Variants in HPS5 observed in about 807,000 individuals in gnomAD.
The protein encoded by HPS5 is BLOC-2 complex member HPS5.
HPS5 carries 83 observed loss-of-function variants against 128.0 expected under a neutral mutation model. That is an observed-to-expected ratio of 0.65 (90% CI 0.54 to 0.78). The LOEUF is 0.78. HPS5 is among the 30% of genes least tolerant of loss of function. The pLI is 0.00. For missense variants in HPS5, 1,281 were observed against 1,326.2 expected (o/e 0.97, Z 0.53); for synonymous variants, 475 against 470.2 (o/e 1.01, Z -0.13).
intron 2 of HPS5, among the ~76,000 whole-genome samples, chr11:18,316,042 T>C (rs984731953): frequency 6.6e-6 from 1 of 152,180 alleles, no homozygotes; most frequent in Admixed American, 6.5e-5. Context: ...AGGCACATGA[T>C]TGCTTGAGGC....
chr11:18,295,271 C>T, intron 13 of HPS5, 102 bp from the exon 14 acceptor site: 2 of 1,085,908 alleles, frequency 1.8e-6, no homozygotes, highest in Non-Finnish European at 2.7e-6. Context: ...CCTAGGGAGG[C>T]AACTTGGACT....
At chr11:18,317,960 T>G (rs548550632) in intron 1 of HPS5, 53 bp from the exon 2 acceptor site, 1 of 1,314,456 alleles carries the variant, frequency 7.6e-7, no homozygotes, top group East Asian at 2.5e-5. Flanking sequence ...TCATTTAACA[T>G]GCATTTAACA....
intron 16 of HPS5, among the ~76,000 whole-genome samples, chr11:18,289,862 T>G (rs1189767465): frequency 6.6e-6 from 1 of 152,208 alleles, no homozygotes; most frequent in Non-Finnish European, 1.5e-5. Flanking sequence ...TAGGGTATGA[T>G]AGCTGGTTTC....
chr11:18,321,158 T>C (rs1206963543), intron 1 of HPS5, among the ~76,000 whole-genome samples: 1 of 152,098 alleles, frequency 6.6e-6, no homozygotes, highest in Non-Finnish European at 1.5e-5. Flanking sequence ...ATTTAAAAAA[T>C]ATATACATAA....
chr11:18,312,732 C>T (rs1863155509), intron 2 of HPS5, among the ~76,000 whole-genome samples: 1 of 152,198 alleles, frequency 6.6e-6, no homozygotes, highest in Non-Finnish European at 1.5e-5. Context: ...TTGCCCTTTG[C>T]CCCCACTTTC....
intron 8 of HPS5, among the ~76,000 whole-genome samples, chr11:18,301,454 C>CAAAAAAAAAAAAAAAAA (rs899074500): frequency 2.7e-4 from 14 of 52,074 alleles, no homozygotes; most frequent in East Asian, 6.0e-4. Flanking sequence ...GACTCTGTCT[C>CAAAAAAAAAAAAAAAAA]AAAAAAAAAA....
Position 18,291,465 on chromosome 11 carries a change from T to C in HPS5, c.2417A>G (p.Asp806Gly). The C allele has an allele frequency of 6.2e-7, 1 of 1,608,682 alleles. No homozygotes were observed. The highest frequency in any genetic ancestry group is 8.5e-7 in the Non-Finnish European group (1 of 1,175,092). Residue 806 changes from aspartate to glycine, a missense_variant, in exon 16 of 23, where the codon GAT (aspartate) becomes GGT (glycine). Asp to Gly is a moderately conservative substitution (Grantham distance 94). Coordinates refer to ENST00000349215, the MANE Select transcript of HPS5 (RefSeq NM_181507.2). Reference protein sequence around the residue: ...LSYSNSPSVWDTFIEGLKEMA... With the variant: ...LSYSNSPSVWGTFIEGLKEMA... The stretch of plus-strand genomic sequence containing the variant: ...ACCTTTCAATCCTTCAATAAAAGTA[T>C]CCCAAACAGAAGGGCTATTACTGTA...
At chr11:18,298,640 A>G (rs1434127218) in intron 10 of HPS5, 152 bp downstream of exon 10, 1 of 751,814 alleles carries the variant, frequency 1.3e-6, no homozygotes, top group Non-Finnish European at 2.4e-6. Context: ...ACCCCTAGAT[A>G]TATCTATCAT....
intron 7 of HPS5, among the ~76,000 whole-genome samples, chr11:18,305,771 C>T (rs1475172244): frequency 6.9e-6 from 1 of 145,506 alleles, no homozygotes; most frequent in African/African-American, 2.6e-5. Flanking sequence ...CTCGCTCTGT[C>T]ACCCACGCTG....
intron 8 of HPS5, among the ~76,000 whole-genome samples, chr11:18,302,791 G>A (rs181877080): frequency 1.5e-3 from 186 of 122,926 alleles, no homozygotes; most frequent in African/African-American, 5.5e-3. Context: ...AATTGAGAAG[G>A]CTGCCTTCAA....
At chr11:18,302,685 C>T (rs1322179323) in intron 8 of HPS5, among the ~76,000 whole-genome samples, 1 of 151,762 alleles carries the variant, frequency 6.6e-6, no homozygotes, top group Admixed American at 6.6e-5. Flanking sequence ...AAGTGTTAAA[C>T]ATTTTGTCAA....
chr11:18,314,533 AT>A (rs1863389189), intron 2 of HPS5: 4 of 112,056 alleles, frequency 3.6e-5, no homozygotes, highest in African/African-American at 1.5e-4. Flanking sequence ...CATCTCAAAA[AT>A]AAATAAATAA....
At chr11:18,281,774 G>T in intron 22 of HPS5, 176 bp downstream of exon 22, 1 of 745,552 alleles carries the variant, frequency 1.3e-6, no homozygotes, top group Non-Finnish European at 2.3e-6. Flanking sequence ...CAGCATCTTG[G>T]TCATGGCTGT....
intron 18 of HPS5, chr11:18,286,977 T>C: frequency 1.7e-6 from 1 of 598,206 alleles, no homozygotes; most frequent in East Asian, 2.8e-5. Context: ...GTGGCCAGAG[T>C]AGGAAGATCA....
chr11:18,305,506 C>T lies in HPS5; in HGVS notation c.825-13G>A, dbSNP rs1032327545. 2 of 1,572,706 alleles carry T rather than the reference C, an allele frequency of 1.3e-6. No homozygotes were observed. Among genetic ancestry groups the T allele is most frequent in the African/African-American group, 1.4e-5 (1 of 73,968 alleles). On this transcript the variant is annotated splice_polypyrimidine_tract_variant and intron_variant, in intron 7 of 22. Transcript: ENST00000349215. ...CTGAGGTTCTGATCTAGAAAGTAAA[C>T]ACATCTGTTAATGAGTTTATCTGTT...
At chr11:18,309,820 G>A (rs1862765862) in intron 5 of HPS5, among the ~76,000 whole-genome samples, 1 of 152,158 alleles carries the variant, frequency 6.6e-6, no homozygotes, top group South Asian at 2.1e-4. Flanking sequence ...GGGCAACATG[G>A]CGAAACCCTG....
At chr11:18,308,027 C>T (rs1290769683) in intron 6 of HPS5, among the ~76,000 whole-genome samples, 1 of 152,000 alleles carries the variant, frequency 6.6e-6, no homozygotes, top group Admixed American at 6.6e-5. Flanking sequence ...GGAGATGGTC[C>T]TGAGAAATAT....
chr11:18,315,347 G>A (rs1237719971), intron 2 of HPS5, among the ~76,000 whole-genome samples: 1 of 152,200 alleles, frequency 6.6e-6, no homozygotes, highest in African/African-American at 2.4e-5. Flanking sequence ...CAGGCTCAAT[G>A]GCTCATGCCT....
Position 18,287,365 on chromosome 11 carries a change from GTGC to G in HPS5, c.2717+167_2717+169del, listed in dbSNP as rs546798172. On this transcript the variant is annotated intron_variant, in intron 18 of 22. Coordinates refer to ENST00000349215, the MANE Select transcript of HPS5 (RefSeq NM_181507.2). ...TGTGGTACATGCACATTTGTGATGTGTGCTGTGACATGTGGCAGAATGTTACAA... is the reference window on the plus strand; with the variant it reads ...TGTGGTACATGCACATTTGTGATGTGTGTGACATGTGGCAGAATGTTACAA... 6.6e-5 allele frequency among the ~76,000 whole-genome samples: 10 copies of G among 152,340 alleles called. No individual in the cohort carries two copies. The South Asian group carries it at 2.1e-3, about 32-fold the overall frequency.
Sources: gnomAD v4.1 joint callset for allele counts (sites outside exome capture counted in the v4.1 genomes callset) on GRCh38, gnomAD v4.1.1 for gene constraint, MANE v1.5 for transcripts, NCBI Gene and HGNC (gene_info 2026-07-23, HGNC 2026-07-21) for gene names.